Variants in HDAC8 observed in about 807,000 individuals in gnomAD.
HDAC8 encodes the protein histone deacetylase-like 1.
Under a neutral mutation model 32.2 loss-of-function variants are expected in HDAC8, and 1 was observed. That is an observed-to-expected ratio of 0.03 (90% CI 0.01 to 0.15). The LOEUF (loss-of-function observed/expected upper bound fraction) is 0.15. Ranked by LOEUF, HDAC8 falls within the 10% of genes least tolerant of loss-of-function variation. The pLI, the probability that HDAC8 is intolerant of heterozygous loss-of-function variation, is 1.00. For synonymous variants in HDAC8, 108 were observed against 113.9 expected (o/e 0.95, Z 0.33); for missense variants, 117 against 300.0 (o/e 0.39, Z 4.51).
At chrX:72,447,408 C>T (rs918596633) in intron 9 of HDAC8, among the ~76,000 whole-genome samples, 1 of 111,885 alleles carries the variant, frequency 8.9e-6, no homozygotes, top group Non-Finnish European at 1.9e-5. Context: ...TAAGAACTCT[C>T]GATAAACTAG....
intron 7 of HDAC8, chrX:72,480,364 G>A (rs2048460058): frequency 3.0e-6 from 1 of 328,253 alleles, no homozygotes; most frequent in African/African-American, 2.7e-5. Flanking sequence ...ATGAAATGGG[G>A]AATGTATTAG....
rs1556142115 is a variant in HDAC8, at chrX:72,568,776, C to T, written c.273G>A (p.Pro91=). 1.7e-6 allele frequency: 2 copies of T among 1,211,715 alleles called. No individual in the cohort carries two copies. Among genetic ancestry groups the T allele is most frequent in the Non-Finnish European group, 2.2e-6 (2 of 895,328 alleles). ...TACCTAGCCCATATTCTATGGAGTC[C>T]GGATGATCATCATCGCCCTCTTGGC... The part of the protein sequence containing the change: ...KVSQEGDDDH[P]DSIEYGLGYD... Residue 91 remains proline (P), a synonymous_variant, in exon 3 of 11, where the codon CCG becomes CCA. Transcript: ENST00000373573.
chrX:72,337,644 C>G (rs1441312947), intron 10 of HDAC8, among the ~76,000 whole-genome samples: 4 of 111,342 alleles, frequency 3.6e-5, no homozygotes, highest in Non-Finnish European at 7.5e-5. Flanking sequence ...GACTGGTCTC[C>G]TTGCTTCCTT....
At chrX:72,545,045 T>C (rs1050932684) in intron 4 of HDAC8, among the ~76,000 whole-genome samples, 2 of 111,553 alleles carry the variant, frequency 1.8e-5, no homozygotes, top group East Asian at 5.6e-4. Flanking sequence ...TTTATTTGCC[T>C]TATAGGTATG....
chrX:72,422,600 A>G (rs1437686801), intron 9 of HDAC8, among the ~76,000 whole-genome samples: 1 of 111,888 alleles, frequency 8.9e-6, no homozygotes, highest in African/African-American at 3.2e-5. Context: ...TCCCGTATAC[A>G]TGGATACTTT....
chrX:72,532,594 C>T (rs782332330), intron 4 of HDAC8, among the ~76,000 whole-genome samples: 1 of 109,047 alleles, frequency 9.2e-6, no homozygotes, highest in East Asian at 2.9e-4. Flanking sequence ...GATCCTCCTC[C>T]TTAGCTCATC....
At chrX:72,551,694 G>T (rs1419042691) in intron 4 of HDAC8, among the ~76,000 whole-genome samples, 7 of 111,757 alleles carry the variant, frequency 6.3e-5, no homozygotes, top group African/African-American at 2.3e-4. Context: ...GATTGTGAAA[G>T]CCTCCCCTGC....
rs186374288 is a variant in HDAC8 at position 72,467,741 on chromosome X, C to T, written c.738-3010G>A. On this transcript the variant is annotated intron_variant, in intron 7 of 10. Transcript: ENST00000373573. ...GATACTCAAGCTCTATTGTAGGATA[C>T]CCTGAAGGTTGATGAGGGCTTTTGC... 131 of 374,731 alleles carry T rather than the reference C, an allele frequency of 3.5e-4. 1 individual carries two copies. In the East Asian group the frequency reaches 4.3e-3, roughly 12 times the overall value. The allele number at this position is 374,731 out of a possible 1,213,427, so 30.9% of individuals were successfully genotyped here.
At chrX:72,552,335 G>A (rs2051102957) in intron 4 of HDAC8, among the ~76,000 whole-genome samples, 1 of 110,836 alleles carries the variant, frequency 9.0e-6, no homozygotes, top group Admixed American at 9.6e-5. Context: ...GGTGGCCCGG[G>A]CACAGTGGCT....
Position 72,503,612 on chromosome X carries a change from G to A in HDAC8, c.438-8344C>T, listed in dbSNP as rs1194632028. 3.6e-5 allele frequency among the ~76,000 whole-genome samples: 4 copies of A among 111,248 alleles called. No homozygotes were observed. The Admixed American group carries it at 3.8e-4, about 11-fold the overall frequency. ...ATATCTTATACCCCTGAGTTCTCCA[G>A]GATTTGGAAACTCTCATTGAGTATT... is the stretch of plus-strand genomic sequence containing the variant. On this transcript the variant is annotated intron_variant, in intron 4 of 10. Coordinates refer to ENST00000373573, the MANE Select transcript of HDAC8 (RefSeq NM_018486.3).
intron 9 of HDAC8, among the ~76,000 whole-genome samples, chrX:72,386,918 G>T (rs1555961626): frequency 8.9e-6 from 1 of 112,149 alleles, no homozygotes; most frequent in Non-Finnish European, 1.9e-5. Context: ...TGCAGTTGTT[G>T]CCCTGATTGC....
Position 72,572,111 on chromosome X carries a change from T to TA in HDAC8, c.112-3dup. 4 of 1,171,771 alleles carry TA rather than the reference T, an allele frequency of 3.4e-6. No individual in the cohort carries two copies. Among genetic ancestry groups the TA allele is most frequent in the Non-Finnish European group, 4.6e-6 (4 of 876,843 alleles). On this transcript the variant is annotated splice_region_variant and splice_polypyrimidine_tract_variant and intron_variant, in intron 1 of 10. Coordinates refer to ENST00000373573, the MANE Select transcript of HDAC8 (RefSeq NM_018486.3). ...AATCAAAGAATGCACCATACTGGCC[T>TA]AAAAACATCAGCGTAAAAAAAAAAA... is the stretch of plus-strand genomic sequence containing the variant.
chrX:72,449,489 A>C (rs2047515218), intron 9 of HDAC8, among the ~76,000 whole-genome samples: 1 of 110,434 alleles, frequency 9.1e-6, no homozygotes, highest in African/African-American at 3.3e-5. Context: ...TGATGAGTTG[A>C]TGGGTGCGGC....
At chrX:72,520,476 T>C (rs1334840880) in intron 4 of HDAC8, among the ~76,000 whole-genome samples, 1 of 112,159 alleles carries the variant, frequency 8.9e-6, no homozygotes, top group Non-Finnish European at 1.9e-5. Context: ...TTTGCCTAGA[T>C]TCACCAATTG....
At chrX:72,487,935 C>CAAAAA (rs782170397) in intron 7 of HDAC8, among the ~76,000 whole-genome samples, 1 of 50,714 alleles carries the variant, frequency 2.0e-5, no homozygotes. Context: ...TGGCAGGCTC[C>CAAAAA]AAAAAAAAAA....
In HDAC8 at chrX:72,516,871, T is replaced by C. The variant is rs1645398527; in HGVS notation, c.438-21603A>G. On this transcript the variant is annotated intron_variant, in intron 4 of 10. Transcript: ENST00000373573. ...CTTGTATGATGTGGCCTATGGCAAC[T>C]TCTCTGTCCTCTTGTGCCACTGTCC... 2.7e-5 allele frequency among the ~76,000 whole-genome samples: 3 copies of C among 112,542 alleles called. No individual in the cohort carries two copies. In the South Asian group the frequency reaches 1.1e-3, roughly 42 times the overall value.
chrX:72,429,021 TTC>T (rs200856274), intron 9 of HDAC8, among the ~76,000 whole-genome samples: 35 of 98,033 alleles, frequency 3.6e-4, no homozygotes, highest in Middle Eastern at 5.1e-3. Context: ...CTTTCTTTCT[TTC>T]TTTTTTTTTT....
At chrX:72,431,855 A>G (rs1555977573) in intron 9 of HDAC8, among the ~76,000 whole-genome samples, 1 of 112,135 alleles carries the variant, frequency 8.9e-6, no homozygotes, top group Non-Finnish European at 1.9e-5. Context: ...CAGCCACTAT[A>G]CTAAGGGCTT....
chrX:72,351,118 T>G (rs1214046769), intron 10 of HDAC8: 1 of 133,681 alleles, frequency 7.5e-6, no homozygotes, highest in Non-Finnish European at 1.5e-5. Context: ...TTCCTCTTTT[T>G]TTTTTTTGGG....
Sources: allele counts gnomAD v4.1 joint callset (sites outside exome capture counted in the v4.1 genomes callset), GRCh38; gene constraint gnomAD v4.1.1; transcripts MANE v1.5; gene names NCBI Gene and HGNC (gene_info 2026-07-23, HGNC 2026-07-21).